The following ABCC6 variants were observed in gnomAD, a reference collection of about 807,000 sequenced individuals.
The protein encoded by ABCC6 is ATP-binding cassette sub-family C member 6.
A neutral mutation model predicts 169.5 loss-of-function variants in ABCC6; 126 were observed. The ratio of observed to expected loss-of-function variants is 0.74; its 90% CI spans 0.64 to 0.86. The LOEUF (loss-of-function observed/expected upper bound fraction) is 0.86. Ranked by LOEUF, ABCC6 falls within the 40% of genes least tolerant of loss-of-function variation. The pLI is 0.00. For missense variants in ABCC6, 1,733 were observed against 1,927.2 expected (o/e 0.90, Z 1.89); for synonymous variants, 752 against 814.7 (o/e 0.92, Z 1.31).
At chr16:16,159,449 G>T (rs769533776) in intron 26 of ABCC6, 33 bp downstream of exon 26, 5 of 1,582,246 alleles carry the variant, frequency 3.2e-6, no homozygotes, top group East Asian at 2.2e-5. Context: ...ATATGTCCTT[G>T]CTGGGACCCC....
rs752629039 is a variant in ABCC6 at position 16,165,951 on chromosome 16, G to A, written c.2996-18C>T. 1 of 1,611,368 alleles carries A rather than the reference G, an allele frequency of 6.2e-7. No homozygotes were observed. The highest frequency in any genetic ancestry group is 8.5e-7 in the Non-Finnish European group (1 of 1,179,306). On this transcript the variant is annotated intron_variant, in intron 22 of 30. Transcript: ENST00000205557. ...CCCAATGGCTGGGGAGGGAGAGGAGGTAAGAGCATGAGGGCTGGAGACCCT... is the reference window on the plus strand; with the variant it reads ...CCCAATGGCTGGGGAGGGAGAGGAGATAAGAGCATGAGGGCTGGAGACCCT...
intron 6 of ABCC6, among the ~76,000 whole-genome samples, chr16:16,211,034 G>T (rs1441017660): frequency 6.6e-6 from 1 of 151,796 alleles, no homozygotes; most frequent in Non-Finnish European, 1.5e-5. Context: ...GGTGGAGGTT[G>T]CAGTGAGCTG....
chr16:16,168,214 G>A (rs572164426), intron 22 of ABCC6, among the ~76,000 whole-genome samples: 78 of 152,250 alleles, frequency 5.1e-4, no homozygotes, highest in Admixed American at 8.5e-4. Flanking sequence ...AAGCCAGGCC[G>A]GGCGTGGTGG....
At position 16,190,384 on chromosome 16, in the gene ABCC6, A is replaced by G. The variant is rs1000184278; in HGVS notation, c.1432-17T>C. On this transcript the variant is annotated splice_polypyrimidine_tract_variant and intron_variant, in intron 11 of 30. Transcript: ENST00000205557. ...TTGCTCCTCCTGGGATCGGAGGGAA[A>G]AAGAGAGATGAAGACAGGGACAGTT... is the stretch of plus-strand genomic sequence containing the variant. The G allele has an allele frequency of 3.1e-6, 5 of 1,613,800 alleles. No homozygotes were observed. The highest frequency in any genetic ancestry group is 1.7e-4 in the Middle Eastern group (1 of 6,040).
In ABCC6 at chr16:16,187,125, G is replaced by A. The variant is rs561150422; in HGVS notation, c.1866C>T (p.Ser622=). Reference sequence around the variant, plus strand: ...CCTCCTGCCAGACTCAGCACTCACCGCTTCCAGAGGAACTTGAGTCTACGA... The same window carrying A: ...CCTCCTGCCAGACTCAGCACTCACCACTTCCAGAGGAACTTGAGTCTACGA... The part of the protein sequence containing the change: ...PGVVDSSSSG[S]AAGKDCITIH... The change falls in exon 14 of 31, where the codon AGC becomes AGT. Residue 622 remains serine, a splice_region_variant and synonymous_variant. Coordinates refer to ENST00000205557, the MANE Select transcript of ABCC6 (RefSeq NM_001171.6). 182 of 1,583,718 alleles carry A rather than the reference G, an allele frequency of 1.1e-4. 1 individual carries two copies. In the South Asian group the frequency reaches 1.6e-3, roughly 14 times the overall value.
rs529292262 is a variant in ABCC6 at position 16,188,990 on chromosome 16, G to T, written c.1636-16C>A. ...CCAGTGCGACCTGGGGGGTGGGGGGGACACGTGGGGCAACAGTGAGACACG... is the reference window on the plus strand; with the variant it reads ...CCAGTGCGACCTGGGGGGTGGGGGGTACACGTGGGGCAACAGTGAGACACG... On this transcript the variant is annotated splice_polypyrimidine_tract_variant and intron_variant, in intron 12 of 30. Transcript: ENST00000205557. The T allele has an allele frequency of 3.1e-6, 5 of 1,612,542 alleles. No homozygotes were observed. The South Asian group carries it at 5.5e-5, about 18-fold the overall frequency.
At chr16:16,204,163 G>C (rs879958598) in intron 7 of ABCC6, among the ~76,000 whole-genome samples, 2 of 151,470 alleles carry the variant, frequency 1.3e-5, no homozygotes, top group African/African-American at 2.4e-5. Flanking sequence ...TCAAGTGATT[G>C]TCCCACCTCA....
At position 16,159,473 on chromosome 16, in the gene ABCC6, G is replaced by T. The variant is rs199786977; in HGVS notation, c.3735+9C>A. The T allele has an allele frequency of 3.1e-6, 5 of 1,603,426 alleles. No homozygotes were observed. Among genetic ancestry groups the T allele is most frequent in the East Asian group, 4.5e-5 (2 of 44,686 alleles). On this transcript the variant is annotated intron_variant, in intron 26 of 30. Coordinates refer to ENST00000205557, the MANE Select transcript of ABCC6 (RefSeq NM_001171.6). ...TGCTGGGACCCCCTCCCCACCTCCC[G>T]CCCATCACCTCCTTGGGCGTCCAGG...
intron 1 of ABCC6, among the ~76,000 whole-genome samples, chr16:16,222,528 C>A (rs2049108466): frequency 6.6e-6 from 1 of 151,988 alleles, no homozygotes; most frequent in African/African-American, 2.4e-5. Flanking sequence ...CAGGCATAAG[C>A]AGCCTCACCA....
At chr16:16,174,351 C>T (rs1386305676) in intron 20 of ABCC6, among the ~76,000 whole-genome samples, 3 of 152,218 alleles carry the variant, frequency 2.0e-5, no homozygotes, top group African/African-American at 7.2e-5. Context: ...GTTTTCTGTC[C>T]TTCACCTTCC....
chr16:16,187,543 G>T lies in ABCC6; in HGVS notation c.1780-332C>A, dbSNP rs1011489132. Among the ~76,000 whole-genome samples the T allele has an allele frequency of 3.0e-4, 45 of 152,296 alleles. 1 individual carries two copies. The highest frequency in any genetic ancestry group is 1.0e-3 in the African/African-American group (43 of 41,574). On this transcript the variant is annotated intron_variant, in intron 13 of 30. Coordinates refer to ENST00000205557, the MANE Select transcript of ABCC6 (RefSeq NM_001171.6). ...GAACAATTTCAAATGTTGTCCACCT[G>T]GGGGCGCTCTCTCCCAGTCACAAAC...
intron 7 of ABCC6, among the ~76,000 whole-genome samples, chr16:16,208,171 ATTTGTAGGAACCTGTTTGTTCCCCG>A (rs987278131): frequency 7.9e-5 from 12 of 151,840 alleles, no homozygotes; most frequent in African/African-American, 2.9e-4. Context: ...CCATTTCCCC[ATTTGTAGGAACCTGTTTGTTCCCCG>A]TTTGTAGGAA....
At chr16:16,171,745 T>A (rs1276392709) in intron 21 of ABCC6, among the ~76,000 whole-genome samples, 1 of 150,846 alleles carries the variant, frequency 6.6e-6, no homozygotes, top group Non-Finnish European at 1.5e-5. Flanking sequence ...AGTGGATGGG[T>A]TGGACAGATA....
chr16:16,195,197 C>T (rs983506284), intron 10 of ABCC6, among the ~76,000 whole-genome samples: 16 of 151,974 alleles, frequency 1.1e-4, no homozygotes, highest in Non-Finnish European at 7.4e-5. Flanking sequence ...TCCTCCTTCA[C>T]CAAGACCTCA....
At chr16:16,200,698 T>G (rs748166571) in intron 9 of ABCC6, among the ~76,000 whole-genome samples, 13 of 150,404 alleles carry the variant, frequency 8.6e-5, no homozygotes, top group Non-Finnish European at 1.8e-4. Flanking sequence ...ACCTAGGAGC[T>G]GTCCCCTCTG....
intron 1 of ABCC6, 74 bp from the exon 2 acceptor site, chr16:16,221,905 G>A (rs1294518472): frequency 3.1e-6 from 5 of 1,610,784 alleles, no homozygotes; most frequent in Non-Finnish European, 4.2e-6. Flanking sequence ...AGGGGGCCAG[G>A]CAACTTTTTG....
chr16:16,155,103 G>T, intron 27 of ABCC6, 72 bp from the exon 28 acceptor site: 1 of 1,503,080 alleles, frequency 6.7e-7, no homozygotes. Flanking sequence ...AGATCTTTCT[G>T]CTGTACCCGA....
chr16:16,191,256 C>T (rs1242798844), intron 11 of ABCC6, among the ~76,000 whole-genome samples: 1 of 152,148 alleles, frequency 6.6e-6, no homozygotes. Context: ...GCTGGGATTA[C>T]AGGCGCCCGC....
chr16:16,150,492 G>C (rs940933153), intron 30 of ABCC6, 86 bp downstream of exon 30: 1 of 1,532,590 alleles, frequency 6.5e-7, no homozygotes, highest in Admixed American at 1.9e-5. Context: ...GCTCTAACCC[G>C]AAGCCCAGTG....
Sources: gnomAD v4.1 joint callset for allele counts (sites outside exome capture counted in the v4.1 genomes callset) on GRCh38, gnomAD v4.1.1 for gene constraint, MANE v1.5 for transcripts, NCBI Gene and HGNC (gene_info 2026-07-23, HGNC 2026-07-21) for gene names.